SYNM: variants seen among roughly 807,000 people sequenced by gnomAD.
The protein encoded by SYNM is desmuslin.
SYNM carries 95 observed loss-of-function variants against 104.0 expected under a neutral mutation model. The ratio of observed to expected loss-of-function variants is 0.91; its 90% CI spans 0.77 to 1.08. The LOEUF (loss-of-function observed/expected upper bound fraction) is 1.08. Among genes scored for constraint, SYNM ranks in the 50% least tolerant of loss-of-function variants. SYNM has a pLI of 0.00. For missense variants in SYNM, 2,150 were observed against 2,052.2 expected (o/e 1.05, Z -0.92); for synonymous variants, 918 against 869.0 (o/e 1.06, Z -0.99).
chr15:99,108,674 T>C (rs1180448541), intron 1 of SYNM, among the ~76,000 whole-genome samples: 4 of 152,300 alleles, frequency 2.6e-5, no homozygotes, highest in African/African-American at 7.2e-5. Flanking sequence ...TGGGTACTAA[T>C]ATAAGCTCCA....
At chr15:99,117,312 G>A (rs79329204) in intron 2 of SYNM, among the ~76,000 whole-genome samples, 1,793 of 152,198 alleles carry the variant, frequency 0.012, 35 homozygotes, top group African/African-American at 0.04. Flanking sequence ...TCATCCTCTC[G>A]GCCTCTCCAT....
intron 1 of SYNM, 110 bp from the exon 2 acceptor site, chr15:99,113,481 T>G: frequency 7.0e-7 from 1 of 1,419,784 alleles, no homozygotes; most frequent in Non-Finnish European, 9.6e-7. Flanking sequence ...TTTTCTGGTC[T>G]GCTAATAACC....
chr15:99,105,778 G>C lies in SYNM; in HGVS notation c.579G>C (p.Glu193Asp). Residue 193 changes from glutamate to aspartate, a missense_variant, in exon 1 of 4, where the codon GAG (glutamate) becomes GAC (aspartate). Transcript: ENST00000336292. ...ACAGCTACGCACTGCTGGTGGCCGAGTCGTGGCGGGAGACGGTGCAGCTGT... is the reference window on the plus strand; with the variant it reads ...ACAGCTACGCACTGCTGGTGGCCGACTCGTGGCGGGAGACGGTGCAGCTGT... ...VHDSYALLVA[E>D]SWRETVQLYE... The C allele has an allele frequency of 3.2e-6, 5 of 1,540,770 alleles. No individual in the cohort carries two copies. The highest frequency in any genetic ancestry group is 4.4e-6 in the Non-Finnish European group (5 of 1,144,648).
intron 2 of SYNM, among the ~76,000 whole-genome samples, chr15:99,118,972 A>C (rs1231015444): frequency 2.6e-5 from 4 of 152,250 alleles, no homozygotes; most frequent in African/African-American, 9.6e-5. Context: ...CCCTGCCTGC[A>C]GCTGGCACCA....
downstream of SYNM, among the ~76,000 whole-genome samples, chr15:99,135,925 G>A (rs1596142873): frequency 6.6e-6 from 1 of 152,320 alleles, no homozygotes; most frequent in East Asian, 1.9e-4. Flanking sequence ...GGATGGAGAG[G>A]TTTCTTGGGA....
chr15:99,123,260 CCT>C (rs2067417560), intron 2 of SYNM, among the ~76,000 whole-genome samples: 1 of 151,776 alleles, frequency 6.6e-6, no homozygotes, highest in South Asian at 2.1e-4. Flanking sequence ...GCGCTTGCTT[CCT>C]CTCTGTTTTA....
At chr15:99,135,983 A>C (rs1310480521), downstream of SYNM, among the ~76,000 whole-genome samples, 3 of 152,234 alleles carry the variant, frequency 2.0e-5, no homozygotes, top group African/African-American at 7.2e-5. Flanking sequence ...GCATACCAGG[A>C]CAGTTGGTTA....
At chr15:99,106,112 C>A in intron 1 of SYNM, 103 bp downstream of exon 1, 1 of 1,239,066 alleles carries the variant, frequency 8.1e-7, no homozygotes, top group Non-Finnish European at 1.0e-6. Context: ...AGGGGCGCGG[C>A]GTCGCGGACC....
chr15:99,115,206 G>C (rs980923534), intron 2 of SYNM, among the ~76,000 whole-genome samples: 51 of 152,276 alleles, frequency 3.3e-4, no homozygotes, highest in Non-Finnish European at 6.8e-4. Context: ...GGCAGTGGAG[G>C]GTGTGAGCAA....
At chr15:99,128,121 T>C (rs1196340282) in intron 3 of SYNM, among the ~76,000 whole-genome samples, 1 of 152,226 alleles carries the variant, frequency 6.6e-6, no homozygotes, top group African/African-American at 2.4e-5. Context: ...CCAAAAGCTT[T>C]AGAATAAAAA....
Position 99,131,914 on chromosome 15 carries a change from G to C in SYNM, c.3554G>C (p.Arg1185Thr), listed in dbSNP as rs2067513574. 1 of 1,613,826 alleles carries C rather than the reference G, an allele frequency of 6.2e-7. No individual in the cohort carries two copies. The highest frequency in any genetic ancestry group is 8.5e-7 in the Non-Finnish European group (1 of 1,179,884). The part of the protein sequence containing the change: ...TLGPGQSPLS[R>T]EVIFLGPAPA... ...GGTCCCGGTCAAAGTCCACTGTCCA[G>C]AGAAGTCATCTTCCTAGGCCCTGCC... is the stretch of plus-strand genomic sequence containing the variant. Residue 1185 changes from arginine to threonine, a missense_variant, in exon 4 of 4, where the codon AGA (arginine) becomes ACA (threonine). By Grantham distance (71) the Arg-to-Thr change is moderately conservative. Transcript: ENST00000336292. The surrounding 1 kb of genome is among the most constrained non-coding windows in gnomAD (Gnocchi z 4.3).
At chr15:99,135,832 A>G (rs1260238782), downstream of SYNM, among the ~76,000 whole-genome samples, 1 of 152,228 alleles carries the variant, frequency 6.6e-6, no homozygotes, top group African/African-American at 2.4e-5. Context: ...AATCAAATAT[A>G]CACTGGACAA....
intron 1 of SYNM, among the ~76,000 whole-genome samples, chr15:99,107,942 TTTTG>T (rs2067263453): frequency 8.2e-6 from 1 of 121,772 alleles, no homozygotes; most frequent in Admixed American, 7.7e-5. Flanking sequence ...TTTTTTTGTT[TTTTG>T]TTTTGTTTTT....
chr15:99,118,461 T>C (rs552461017), intron 2 of SYNM, among the ~76,000 whole-genome samples: 7 of 152,310 alleles, frequency 4.6e-5, no homozygotes, highest in African/African-American at 1.7e-4. Flanking sequence ...CTGTGGCTTA[T>C]TGGTTCTCAT....
chr15:99,125,156 C>T (rs1190995509), intron 2 of SYNM, among the ~76,000 whole-genome samples: 7 of 152,196 alleles, frequency 4.6e-5, no homozygotes, highest in South Asian at 2.1e-4. Flanking sequence ...TGAGCCAGGC[C>T]GGGAGGATCT....
intron 1 of SYNM, among the ~76,000 whole-genome samples, chr15:99,109,327 C>T (rs2067279327): frequency 6.6e-6 from 1 of 152,198 alleles, no homozygotes; most frequent in South Asian, 2.1e-4. Flanking sequence ...CTTCAGAAAA[C>T]ACTTGAAGAC....
intron 1 of SYNM, among the ~76,000 whole-genome samples, chr15:99,107,935 T>TG (rs1567273437): frequency 8.1e-6 from 1 of 123,676 alleles, no homozygotes; most frequent in African/African-American, 3.6e-5. Context: ...TGGTTTTTTT[T>TG]TTTGTTTTTT....
chr15:99,138,611 C>T (rs1263749162), downstream of SYNM, among the ~76,000 whole-genome samples: 2 of 152,238 alleles, frequency 1.3e-5, no homozygotes, highest in African/African-American at 2.4e-5. Context: ...CCTCGCCTGG[C>T]CCCTCCCATC....
downstream of SYNM, among the ~76,000 whole-genome samples, chr15:99,138,363 G>C (rs1408302185): frequency 6.6e-6 from 1 of 151,668 alleles, no homozygotes; most frequent in Non-Finnish European, 1.5e-5. Flanking sequence ...ACCCAGGCTG[G>C]AGTGCAGTGG....
Sources: allele counts gnomAD v4.1 joint callset (sites outside exome capture counted in the v4.1 genomes callset), GRCh38; gene constraint gnomAD v4.1.1; non-coding constraint Gnocchi (gnomAD v3.1); transcripts MANE v1.5; gene names NCBI Gene and HGNC (gene_info 2026-07-23, HGNC 2026-07-21).